Variants in PDE4B observed in about 807,000 individuals in gnomAD.
The protein encoded by PDE4B is phosphodiesterase 4B, also known as 3',5'-cyclic-AMP phosphodiesterase 4B.
PDE4B carries 20 observed loss-of-function variants against 82.2 expected under a neutral mutation model. That is an observed-to-expected ratio of 0.24 (90% confidence interval 0.17 to 0.35). The LOEUF is 0.35. Ranked by LOEUF, PDE4B falls within the 10% of genes least tolerant of loss-of-function variation. The pLI is 1.00. For missense variants in PDE4B, 655 were observed against 907.2 expected (o/e 0.72, Z 3.57); for synonymous variants, 320 against 318.9 (o/e 1.00, Z -0.04).
At chr1:65,869,468 C>G (rs1204249658) in intron 1 of PDE4B, among the ~76,000 whole-genome samples, 1 of 152,144 alleles carries the variant, frequency 6.6e-6, no homozygotes, top group Non-Finnish European at 1.5e-5. Context: ...GTGTATGTAT[C>G]AGTGTGTGTG....
chr1:65,921,193 C>A (rs982382136), intron 3 of PDE4B, among the ~76,000 whole-genome samples: 5 of 151,820 alleles, frequency 3.3e-5, no homozygotes, highest in South Asian at 2.1e-4. Context: ...TGGTCTCGAT[C>A]TCCTGACCTC....
chr1:65,930,551 A>G (rs773243437), intron 3 of PDE4B, among the ~76,000 whole-genome samples: 15 of 152,218 alleles, frequency 9.9e-5, no homozygotes, highest in Non-Finnish European at 1.8e-4. Flanking sequence ...CCCTTACATC[A>G]GTGTGCCCTG....
At chr1:66,131,563 T>C (rs1036903115) in intron 3 of PDE4B, among the ~76,000 whole-genome samples, 1 of 121,946 alleles carries the variant, frequency 8.2e-6, no homozygotes, top group Admixed American at 8.9e-5. Flanking sequence ...ATATTAACTT[T>C]CAATATTTTC....
intron 1 of PDE4B, among the ~76,000 whole-genome samples, chr1:65,806,501 A>G (rs1645756598): frequency 6.6e-6 from 1 of 152,222 alleles, no homozygotes; most frequent in African/African-American, 2.4e-5. Context: ...AGCTTAGATG[A>G]GTTATTCTAA....
At chr1:66,316,810 T>C (rs1278594832) in intron 7 of PDE4B, among the ~76,000 whole-genome samples, 2 of 152,206 alleles carry the variant, frequency 1.3e-5, no homozygotes, top group African/African-American at 4.8e-5. Flanking sequence ...AGTAAGAGTC[T>C]TCAGAGGGAG....
At chr1:65,831,645 G>A (rs1646082774) in intron 1 of PDE4B, among the ~76,000 whole-genome samples, 2 of 152,006 alleles carry the variant, frequency 1.3e-5, no homozygotes, top group African/African-American at 2.4e-5. Context: ...AATAGAAGAG[G>A]AGGTAGCACT....
At chr1:66,261,793 C>G (rs908787677) in intron 6 of PDE4B, among the ~76,000 whole-genome samples, 2 of 152,184 alleles carry the variant, frequency 1.3e-5, no homozygotes, top group Non-Finnish European at 2.9e-5. Context: ...AAATTAAAAC[C>G]TACACTTCCT....
At chr1:66,049,280 A>G (rs1371430469) in intron 3 of PDE4B, among the ~76,000 whole-genome samples, 3 of 152,156 alleles carry the variant, frequency 2.0e-5, no homozygotes, top group Non-Finnish European at 4.4e-5. Context: ...TGAATGGAAA[A>G]GCTACAATCT....
At chr1:65,898,745 G>A (rs967555125) in intron 1 of PDE4B, among the ~76,000 whole-genome samples, 17 of 152,064 alleles carry the variant, frequency 1.1e-4, no homozygotes, top group Non-Finnish European at 1.8e-4. Flanking sequence ...AAGGGTGCTG[G>A]GATAATTGGC....
intron 3 of PDE4B, among the ~76,000 whole-genome samples, chr1:66,157,558 A>T (rs1646524841): frequency 6.6e-6 from 1 of 152,150 alleles, no homozygotes; most frequent in Admixed American, 6.5e-5. Context: ...CTCATAATTC[A>T]TTCCCTCAAC....
At chr1:66,172,615 G>GT (rs1646858530) in intron 3 of PDE4B, among the ~76,000 whole-genome samples, 1 of 152,130 alleles carries the variant, frequency 6.6e-6, no homozygotes, top group South Asian at 2.1e-4. Flanking sequence ...CAGAAGTATT[G>GT]TTTTTTGATG....
intron 3 of PDE4B, among the ~76,000 whole-genome samples, chr1:65,944,264 T>C (rs1438800741): frequency 6.6e-6 from 1 of 151,784 alleles, no homozygotes; most frequent in Non-Finnish European, 1.5e-5. Flanking sequence ...GATTTTTTTT[T>C]TAGATTTGCA....
intron 8 of PDE4B, among the ~76,000 whole-genome samples, chr1:66,342,170 A>C (rs1661036781): frequency 6.6e-6 from 1 of 152,200 alleles, no homozygotes; most frequent in African/African-American, 2.4e-5. Flanking sequence ...AAATGACTCG[A>C]GGAATTGAGC....
At chr1:66,223,726 G>A (rs1007729228) in intron 3 of PDE4B, among the ~76,000 whole-genome samples, 1 of 151,778 alleles carries the variant, frequency 6.6e-6, no homozygotes, top group African/African-American at 2.4e-5. Context: ...CATAGAGAAA[G>A]AGGAGGGCCC....
chr1:65,816,190 AGTGTGT>A lies in PDE4B; in HGVS notation c.-71+22973_-71+22978del, dbSNP rs139330007. On this transcript the variant is annotated intron_variant, in intron 1 of 16. Transcript: ENST00000341517. ...TTCTGTTTTTAGTGATTATTAATGC[AGTGTGT>A]GTGTGTGTGTGTGTGTGTGTGTGTG... is the stretch of plus-strand genomic sequence containing the variant. Among the ~76,000 whole-genome samples the A allele has an allele frequency of 1.0e-3, 139 of 132,884 alleles. 1 individual carries two copies. Among genetic ancestry groups the A allele is most frequent in the Middle Eastern group, 4.0e-3 (1 of 252 alleles). The allele number at this position is 132,884 out of a possible 152,430, so 87.2% of individuals were successfully genotyped here.
intron 7 of PDE4B, among the ~76,000 whole-genome samples, chr1:66,329,858 A>G (rs1659987371): frequency 6.6e-6 from 1 of 152,228 alleles, no homozygotes; most frequent in South Asian, 2.1e-4. Context: ...ACAGTGCTAC[A>G]GATGGACCAT....
At chr1:66,192,101 G>A (rs1192505095) in intron 3 of PDE4B, among the ~76,000 whole-genome samples, 1 of 152,020 alleles carries the variant, frequency 6.6e-6, no homozygotes, top group Non-Finnish European at 1.5e-5. Flanking sequence ...AACTATCCCT[G>A]ATGTACTAAA....
intron 3 of PDE4B, among the ~76,000 whole-genome samples, chr1:66,154,693 A>C (rs1265053467): frequency 2.0e-5 from 3 of 152,214 alleles, no homozygotes; most frequent in African/African-American, 7.2e-5. Flanking sequence ...CAAAAGCAAA[A>C]ATGCTTTCAA....
At chr1:66,051,353 G>A (rs969252063) in intron 3 of PDE4B, among the ~76,000 whole-genome samples, 6 of 152,080 alleles carry the variant, frequency 3.9e-5, no homozygotes, top group Admixed American at 1.3e-4. Flanking sequence ...GAAACTAATA[G>A]CAACCTCATG....
Sources: allele counts gnomAD v4.1 joint callset (sites outside exome capture counted in the v4.1 genomes callset), GRCh38; gene constraint gnomAD v4.1.1; transcripts MANE v1.5; gene names NCBI Gene and HGNC (gene_info 2026-07-23, HGNC 2026-07-21).